CSMD1: variants seen among roughly 807,000 people sequenced by gnomAD.
CSMD1 encodes the protein CUB and Sushi multiple domains 1, also known as CUB and sushi domain-containing protein 1.
In CSMD1, 213 loss-of-function variants were observed where a neutral mutation model predicts 417.5. That is an observed-to-expected ratio of 0.51 (90% CI 0.46 to 0.57). The LOEUF is 0.57. Ranked by LOEUF, CSMD1 falls within the 20% of genes least tolerant of loss-of-function variation. The probability of loss-of-function intolerance (pLI) is 0.00; values close to 1 mark genes in which losing one functional copy is unlikely to be tolerated. For missense variants in CSMD1, 6,923 were observed against 4,529.7 expected (o/e 1.53, Z -15.17); for synonymous variants, 2,862 against 1,736.8 (o/e 1.65, Z -16.11).
At chr8:3,924,569 C>G (rs910179505) in intron 5 of CSMD1, among the ~76,000 whole-genome samples, 4 of 152,118 alleles carry the variant, frequency 2.6e-5, no homozygotes, top group African/African-American at 9.7e-5. Context: ...TCAGTTTTGT[C>G]CCTGTGACTG....
rs116268514 is a variant in CSMD1 at position 4,470,560 on chromosome 8, G to A, written c.303-50495C>T. ...CAAAAATGACATGCCAAAGGATTCA[G>A]AGTGAATGTACAACCAAATAATATA... On this transcript the variant is annotated intron_variant, in intron 2 of 69. Coordinates refer to ENST00000635120, the MANE Select transcript of CSMD1 (RefSeq NM_033225.6). Among the ~76,000 whole-genome samples, 833 of 152,314 alleles carry A rather than the reference G, an allele frequency of 5.5e-3. 3 individuals are homozygous for A. Among genetic ancestry groups the A allele is most frequent in the African/African-American group, 0.019 (800 of 41,562 alleles).
At chr8:4,027,239 G>A (rs143718245) in intron 4 of CSMD1, among the ~76,000 whole-genome samples, 2 of 152,298 alleles carry the variant, frequency 1.3e-5, no homozygotes, top group South Asian at 2.1e-4. Context: ...AGTCACCAAA[G>A]TAGTTTGGCT....
At chr8:4,844,172 T>C (rs1801002239) in intron 1 of CSMD1, among the ~76,000 whole-genome samples, 1 of 152,200 alleles carries the variant, frequency 6.6e-6, no homozygotes, top group Non-Finnish European at 1.5e-5. Flanking sequence ...CAAGTTCTAC[T>C]ACACGTAGCA....
chr8:4,692,069 C>T (rs1369115754), intron 1 of CSMD1, among the ~76,000 whole-genome samples: 1 of 152,180 alleles, frequency 6.6e-6, no homozygotes, highest in Non-Finnish European at 1.5e-5. Flanking sequence ...ACAACCTACC[C>T]TACAAATGGG....
chr8:4,280,591 G>C (rs967112209), intron 3 of CSMD1, among the ~76,000 whole-genome samples: 13 of 152,140 alleles, frequency 8.5e-5, no homozygotes, highest in Non-Finnish European at 1.5e-4. Flanking sequence ...TGGGAAAAAT[G>C]GGTACTGTTT....
At chr8:3,025,886 A>T (rs985075769) in intron 51 of CSMD1, among the ~76,000 whole-genome samples, 15 of 152,218 alleles carry the variant, frequency 9.9e-5, no homozygotes, top group African/African-American at 3.4e-4. Flanking sequence ...AGTGTAAATA[A>T]ATTAACAAAT....
At chr8:4,736,355 C>T (rs921706152) in intron 1 of CSMD1, among the ~76,000 whole-genome samples, 2 of 152,078 alleles carry the variant, frequency 1.3e-5, no homozygotes, top group Non-Finnish European at 2.9e-5. Context: ...AAGGAGATCA[C>T]AATGGTTGGA....
In CSMD1 at chr8:4,158,197, C is replaced by G. The variant is rs144708533; in HGVS notation, c.416-126098G>C. Among the ~76,000 whole-genome samples the G allele has an allele frequency of 3.3e-5, 5 of 151,922 alleles. No homozygotes were observed. The East Asian group carries it at 7.8e-4, about 24-fold the overall frequency. On this transcript the variant is annotated intron_variant, in intron 3 of 69. Transcript: ENST00000635120. ...AGTGAAGTCTCTCCTTTCCTAAGCC[C>G]AGACATACTTATTTTGGCACCATTG...
At chr8:3,413,071 G>A (rs559262635) in intron 12 of CSMD1, among the ~76,000 whole-genome samples, 1 of 152,156 alleles carries the variant, frequency 6.6e-6, no homozygotes, top group African/African-American at 2.4e-5. Flanking sequence ...TTCACATTAT[G>A]AGCTTCCTAC....
rs1001029226 is a variant in CSMD1 at position 4,293,619 on chromosome 8, C to T, written c.415+126334G>A. Among the ~76,000 whole-genome samples the T allele has an allele frequency of 5.3e-5, 8 of 152,272 alleles. No individual in the cohort carries two copies. In the East Asian group the frequency reaches 1.4e-3, roughly 26 times the overall value. ...ATCATGAACTAAGCAATACTGCAATCGTGTATTTTGACTGTAAGACACAGC... is the reference window on the plus strand; with the variant it reads ...ATCATGAACTAAGCAATACTGCAATTGTGTATTTTGACTGTAAGACACAGC... On this transcript the variant is annotated intron_variant, in intron 3 of 69. Transcript: ENST00000635120.
chr8:4,446,158 C>A (rs115537972), intron 2 of CSMD1, among the ~76,000 whole-genome samples: 1 of 152,174 alleles, frequency 6.6e-6, no homozygotes, highest in African/African-American at 2.4e-5. Context: ...AACTGAAACC[C>A]ATACTTCATA....
At chr8:4,139,858 A>C (rs933080003) in intron 3 of CSMD1, among the ~76,000 whole-genome samples, 1 of 151,078 alleles carries the variant, frequency 6.6e-6, no homozygotes, top group Non-Finnish European at 1.5e-5. Flanking sequence ...GATCAGATGG[A>C]AATTTTAGAT....
intron 6 of CSMD1, among the ~76,000 whole-genome samples, chr8:3,739,138 G>T (rs1328541082): frequency 3.1e-5 from 4 of 129,998 alleles, no homozygotes; most frequent in African/African-American, 1.0e-4. Context: ...AGAGTTAATT[G>T]TAAGTTTAAA....
intron 1 of CSMD1, among the ~76,000 whole-genome samples, chr8:4,761,912 A>AATCTATCTATCAATCTATCT (rs1812127901): frequency 4.9e-4 from 50 of 101,314 alleles, no homozygotes; most frequent in African/African-American, 1.9e-3. Flanking sequence ...TCTATCTATC[A>AATCTATCTATCAATCTATCT]ATCTATCTAT....
rs534178255 is a variant in CSMD1 at position 3,524,198 on chromosome 8, C to G, written c.1345-30472G>C. Among the ~76,000 whole-genome samples, 13 of 152,018 alleles carry G rather than the reference C, an allele frequency of 8.6e-5. No individual in the cohort carries two copies. In the East Asian group the frequency reaches 2.1e-3, roughly 25 times the overall value. ...ACACATGCACATACTCACATATGCA[C>G]ACACATGCAACCCAGACAATATGCA... On this transcript the variant is annotated intron_variant, in intron 10 of 69. Transcript: ENST00000635120.
chr8:3,082,339 C>A (rs1258443875), intron 49 of CSMD1, among the ~76,000 whole-genome samples: 1 of 152,208 alleles, frequency 6.6e-6, no homozygotes, highest in African/African-American at 2.4e-5. Flanking sequence ...GCCACGTAAA[C>A]TTGCAGCTGA....
intron 3 of CSMD1, among the ~76,000 whole-genome samples, chr8:4,067,063 A>G (rs530518848): frequency 3.0e-4 from 45 of 152,386 alleles, no homozygotes; most frequent in African/African-American, 1.1e-3. Flanking sequence ...CACATGGCGA[A>G]GACTGAAATT....
intron 2 of CSMD1, among the ~76,000 whole-genome samples, chr8:4,596,457 T>G (rs1800283221): frequency 6.6e-6 from 1 of 152,142 alleles, no homozygotes. Context: ...ATTATGCAAA[T>G]AATTTTCATC....
intron 3 of CSMD1, among the ~76,000 whole-genome samples, chr8:4,176,606 A>C (rs1480235543): frequency 4.8e-5 from 2 of 41,296 alleles, no homozygotes; most frequent in Non-Finnish European, 9.6e-5. Flanking sequence ...GGAGTAGGAA[A>C]TTCTAATCCA....
Sources: allele counts gnomAD v4.1 joint callset (sites outside exome capture counted in the v4.1 genomes callset), GRCh38; gene constraint gnomAD v4.1.1; transcripts MANE v1.5; gene names NCBI Gene and HGNC (gene_info 2026-07-23, HGNC 2026-07-21).